The following AKAP19 variants were observed in gnomAD, a reference collection of about 807,000 sequenced individuals.
AKAP19 encodes small A-kinase anchoring protein.
At chr2:189,928,338 T>C in the AKAP19 span, among the ~76,000 whole-genome samples, 2 of 152,154 alleles carry the variant, frequency 1.3e-5, no homozygotes, top group African/African-American at 4.8e-5. Context: ...ATTTCCATTG[T>C]AAAGTTGGAG....
chr2:189,886,522 C>T, the AKAP19 span, among the ~76,000 whole-genome samples: 1 of 152,134 alleles, frequency 6.6e-6, no homozygotes, highest in African/African-American at 2.4e-5. Context: ...CATAATCTGT[C>T]CTCAAGAAGA....
At chr2:190,099,279 T>C in the AKAP19 span, among the ~76,000 whole-genome samples, 5 of 152,222 alleles carry the variant, frequency 3.3e-5, no homozygotes, top group East Asian at 1.9e-4. Flanking sequence ...GAGTCACATG[T>C]GACTGTTCCT....
the AKAP19 span, among the ~76,000 whole-genome samples, chr2:190,153,191 G>A: frequency 2.0e-5 from 3 of 152,206 alleles, no homozygotes; most frequent in East Asian, 1.9e-4. Flanking sequence ...CACCGTGCCC[G>A]GCCACTTGCC....
At chr2:190,169,691 G>T in the AKAP19 span, among the ~76,000 whole-genome samples, 1 of 152,198 alleles carries the variant, frequency 6.6e-6, no homozygotes. Flanking sequence ...CCTCAGTGAG[G>T]TAATATGCAT....
chr2:189,905,425 A>AT, the AKAP19 span, among the ~76,000 whole-genome samples: 1 of 152,040 alleles, frequency 6.6e-6, no homozygotes, highest in Non-Finnish European at 1.5e-5. Flanking sequence ...TTTGATATTC[A>AT]TAATTTCCCT....
At chr2:190,055,029 A>G in the AKAP19 span, among the ~76,000 whole-genome samples, 16 of 152,130 alleles carry the variant, frequency 1.1e-4, no homozygotes, top group Admixed American at 9.8e-4. Context: ...ACATGCACAC[A>G]TATGTTTATT....
At chr2:190,135,162 A>C in the AKAP19 span, among the ~76,000 whole-genome samples, 1 of 152,288 alleles carries the variant, frequency 6.6e-6, no homozygotes, top group East Asian at 1.9e-4. Context: ...ATTGAAAATG[A>C]GGTAGATTTT....
At chr2:190,125,790 A>G in the AKAP19 span, among the ~76,000 whole-genome samples, 1 of 152,124 alleles carries the variant, frequency 6.6e-6, no homozygotes, top group African/African-American at 2.4e-5. Context: ...ATGCTTCCCC[A>G]CCATACTTAA....
At chr2:189,932,758 C>T in the AKAP19 span, among the ~76,000 whole-genome samples, 1 of 150,680 alleles carries the variant, frequency 6.6e-6, no homozygotes, top group South Asian at 2.1e-4. Context: ...TTTGATGCTA[C>T]ATTATCCTAG....
chr2:189,985,737 C>T, the AKAP19 span, among the ~76,000 whole-genome samples: 24 of 152,300 alleles, frequency 1.6e-4, no homozygotes, highest in African/African-American at 5.3e-4. Context: ...TCTGAGCATA[C>T]CCCTCTGTGC....
the AKAP19 span, among the ~76,000 whole-genome samples, chr2:189,962,182 ATACT>A: frequency 6.6e-6 from 1 of 152,164 alleles, no homozygotes; most frequent in Non-Finnish European, 1.5e-5. Flanking sequence ...AGATACATAA[ATACT>A]TACCATTGTG....
the AKAP19 span, among the ~76,000 whole-genome samples, chr2:190,112,162 A>G: frequency 6.6e-6 from 1 of 152,114 alleles, no homozygotes; most frequent in Non-Finnish European, 1.5e-5. Context: ...ATAAAAAACT[A>G]TTTTCTTCCC....
At chr2:190,061,445 A>G in the AKAP19 span, among the ~76,000 whole-genome samples, 1 of 152,022 alleles carries the variant, frequency 6.6e-6, no homozygotes. Context: ...CCTCTCAGGA[A>G]GAATAAAATA....
chr2:190,196,002 A>G, the AKAP19 span, among the ~76,000 whole-genome samples: 1 of 146,724 alleles, frequency 6.8e-6, no homozygotes, highest in Non-Finnish European at 1.5e-5. Context: ...CTCGTTGAAA[A>G]GACTATGTAT....
the AKAP19 span, among the ~76,000 whole-genome samples, chr2:190,102,227 C>CA: frequency 6.6e-6 from 1 of 151,962 alleles, no homozygotes; most frequent in Non-Finnish European, 1.5e-5. Context: ...ACACTTACCT[C>CA]AAAAAATTAG....
chr2:190,173,476 C>T, the AKAP19 span, among the ~76,000 whole-genome samples: 1 of 152,122 alleles, frequency 6.6e-6, no homozygotes, highest in Non-Finnish European at 1.5e-5. Context: ...CAAGATAATG[C>T]CTGTAGTACT....
At chr2:190,112,721 G>GTTA in the AKAP19 span, among the ~76,000 whole-genome samples, 1 of 152,090 alleles carries the variant, frequency 6.6e-6, no homozygotes, top group South Asian at 2.1e-4. Context: ...TGGTGTTATT[G>GTTA]TTATTATTAT....
chr2:189,975,080 G>T, the AKAP19 span, among the ~76,000 whole-genome samples: 1 of 152,158 alleles, frequency 6.6e-6, no homozygotes, highest in Non-Finnish European at 1.5e-5. Flanking sequence ...TAGCACTGAT[G>T]GTCTTTACAA....
At chr2:190,053,754 ATAT>A in the AKAP19 span, among the ~76,000 whole-genome samples, 1 of 152,080 alleles carries the variant, frequency 6.6e-6, no homozygotes, top group African/African-American at 2.4e-5. Flanking sequence ...GGATTTTATC[ATAT>A]TATAGTTTAA....
Sources: gnomAD v4.1 joint callset for allele counts (sites outside exome capture counted in the v4.1 genomes callset) on GRCh38, gnomAD v4.1.1 for gene constraint, MANE v1.5 for transcripts, NCBI Gene and HGNC (gene_info 2026-07-23, HGNC 2026-07-21) for gene names.